Variants in PDIA5 observed in about 807,000 individuals in gnomAD.
The protein encoded by PDIA5 is protein disulfide-isomerase A5.
Under a neutral mutation model 77.6 loss-of-function variants are expected in PDIA5, and 58 were observed. The ratio of observed to expected loss-of-function variants is 0.75; its 90% CI spans 0.61 to 0.93. PDIA5 has a LOEUF of 0.93. Ranked by LOEUF, PDIA5 falls within the 40% of genes least tolerant of loss-of-function variation. The probability of loss-of-function intolerance (pLI) is 0.00; values close to 1 mark genes in which losing one functional copy is unlikely to be tolerated. For synonymous variants in PDIA5, 250 were observed against 252.1 expected (o/e 0.99, Z 0.08); for missense variants, 630 against 647.7 (o/e 0.97, Z 0.30).
At chr3:123,078,200 A>G in intron 1 of PDIA5, among the ~76,000 whole-genome samples, 2 of 152,320 alleles carry the variant, frequency 1.3e-5, no homozygotes, top group Non-Finnish European at 2.9e-5. Context: ...TGCAGATTCC[A>G]TATAATAGTT....
intron 13 of PDIA5, among the ~76,000 whole-genome samples, chr3:123,147,383 A>T (rs1935795644): frequency 6.6e-6 from 1 of 152,216 alleles, no homozygotes. Context: ...GGGGGTTAGG[A>T]CATCAACATA....
At chr3:123,078,413 G>T (rs1933912115) in intron 1 of PDIA5, among the ~76,000 whole-genome samples, 1 of 152,072 alleles carries the variant, frequency 6.6e-6, no homozygotes, top group South Asian at 2.1e-4. Flanking sequence ...CTTTTTTTTA[G>T]GCAGGTTTTT....
chr3:123,160,629 G>A (rs370677398), intron 15 of PDIA5, among the ~76,000 whole-genome samples: 2 of 152,304 alleles, frequency 1.3e-5, no homozygotes, highest in East Asian at 1.9e-4. Flanking sequence ...CAGACACTGA[G>A]CCCCTAAGTG....
intron 15 of PDIA5, among the ~76,000 whole-genome samples, chr3:123,156,607 G>A (rs1461662556): frequency 6.6e-6 from 1 of 152,198 alleles, no homozygotes; most frequent in Non-Finnish European, 1.5e-5. Context: ...CACCCAGAAT[G>A]CTGGGTGCTC....
At chr3:123,100,472 G>A (rs1934560872) in intron 3 of PDIA5, among the ~76,000 whole-genome samples, 2 of 152,188 alleles carry the variant, frequency 1.3e-5, no homozygotes, top group African/African-American at 4.8e-5. Context: ...TTGCCACCTT[G>A]GGGTAGGAAC....
At chr3:123,108,576 G>A (rs1425329732) in intron 6 of PDIA5, among the ~76,000 whole-genome samples, 1 of 134,476 alleles carries the variant, frequency 7.4e-6, no homozygotes, top group Non-Finnish European at 1.6e-5. Flanking sequence ...CACTGTGCCC[G>A]GCCTTAAAGA....
intron 11 of PDIA5, among the ~76,000 whole-genome samples, chr3:123,140,005 C>T (rs1233983064): frequency 6.6e-6 from 1 of 152,066 alleles, no homozygotes; most frequent in African/African-American, 2.4e-5. Flanking sequence ...TGGGAGAGGG[C>T]ATGATAGCAT....
intron 6 of PDIA5, among the ~76,000 whole-genome samples, chr3:123,107,516 C>T (rs1041982770): frequency 2.0e-5 from 3 of 152,066 alleles, no homozygotes; most frequent in Non-Finnish European, 4.4e-5. Flanking sequence ...ATAGTGAGAC[C>T]CCCATCTCTA....
At chr3:123,149,704 C>T (rs1935845680) in intron 13 of PDIA5, among the ~76,000 whole-genome samples, 1 of 152,154 alleles carries the variant, frequency 6.6e-6, no homozygotes, top group Non-Finnish European at 1.5e-5. Flanking sequence ...ATCCCATTGT[C>T]CTCATTTAAC....
chr3:123,074,033 G>A (rs1006186500), intron 1 of PDIA5, among the ~76,000 whole-genome samples: 21 of 152,176 alleles, frequency 1.4e-4, no homozygotes, highest in Admixed American at 4.6e-4. Flanking sequence ...CTCATCACAG[G>A]GTCTAGTCTT....
rs147642912 is a variant in PDIA5, at chr3:123,082,522, G to A, written c.43-6646G>A. Among the ~76,000 whole-genome samples the A allele has an allele frequency of 6.0e-3, 914 of 152,124 alleles. 3 individuals carry two copies. The highest frequency in any genetic ancestry group is 9.8e-3 in the Admixed American group (150 of 15,292). On this transcript the variant is annotated intron_variant, in intron 1 of 16. Coordinates refer to ENST00000316218, the MANE Select transcript of PDIA5 (RefSeq NM_006810.4). ...GCCGTGTGACCTCTTGGTCTGGGTC[G>A]CTGTGCAGCTGGTGATGATTTGAGG...
intron 5 of PDIA5, among the ~76,000 whole-genome samples, chr3:123,105,180 T>A (rs1395394347): frequency 2.0e-5 from 3 of 152,240 alleles, no homozygotes; most frequent in Non-Finnish European, 2.9e-5. Flanking sequence ...GAGCACCTAC[T>A]GAACTCCAGA....
chr3:123,097,759 C>T (rs1213349000), intron 3 of PDIA5, among the ~76,000 whole-genome samples: 1 of 151,834 alleles, frequency 6.6e-6, no homozygotes, highest in Admixed American at 6.6e-5. Flanking sequence ...TCCTACCTGT[C>T]CCCAGGGCAT....
chr3:123,145,458 C>T (rs541031770), intron 11 of PDIA5, 64 bp from the exon 12 acceptor site: 31 of 1,260,594 alleles, frequency 2.5e-5, no homozygotes, highest in Middle Eastern at 2.0e-4. Flanking sequence ...ACAGAGGCGG[C>T]GCAGGGGAGC....
chr3:123,142,054 G>C (rs1935648139), intron 11 of PDIA5, among the ~76,000 whole-genome samples: 1 of 152,216 alleles, frequency 6.6e-6, no homozygotes, highest in African/African-American at 2.4e-5. Flanking sequence ...TGGGGAAGGG[G>C]AGGAGAGGCT....
chr3:123,107,711 T>G (rs1257318006), intron 6 of PDIA5, among the ~76,000 whole-genome samples: 1 of 152,202 alleles, frequency 6.6e-6, no homozygotes, highest in Non-Finnish European at 1.5e-5. Context: ...TTTTTGTAGG[T>G]AGAGGGAGAG....
intron 1 of PDIA5, among the ~76,000 whole-genome samples, chr3:123,072,687 C>A (rs1233016950): frequency 1.3e-5 from 2 of 152,158 alleles, no homozygotes; most frequent in Non-Finnish European, 2.9e-5. Context: ...GAAAGTAGAT[C>A]CCCTCTTGAG....
intron 11 of PDIA5, among the ~76,000 whole-genome samples, chr3:123,143,226 A>C (rs1444590655): frequency 6.6e-6 from 1 of 151,940 alleles, no homozygotes; most frequent in Non-Finnish European, 1.5e-5. Flanking sequence ...TCTACTAAAA[A>C]TACAAAAAAT....
chr3:123,151,827 G>GCCTTCCTGCCTGCCTGCCTT (rs1455353222), intron 14 of PDIA5, among the ~76,000 whole-genome samples: 1 of 130,058 alleles, frequency 7.7e-6, no homozygotes, highest in Non-Finnish European at 1.6e-5. Context: ...CTGCCTGCCT[G>GCCTTCCTGCCTGCCTGCCTT]CCTTCCTGCC....
Sources: allele counts gnomAD v4.1 joint callset (sites outside exome capture counted in the v4.1 genomes callset), GRCh38; gene constraint gnomAD v4.1.1; transcripts MANE v1.5; gene names NCBI Gene and HGNC (gene_info 2026-07-23, HGNC 2026-07-21).